The following ZBBX variants were observed in gnomAD, a reference collection of about 807,000 sequenced individuals.
ZBBX encodes the protein zinc finger B-box domain containing.
In ZBBX, 101 loss-of-function variants were observed where a neutral mutation model predicts 108.5. That is an observed-to-expected ratio of 0.93 (90% confidence interval 0.79 to 1.10). The LOEUF (loss-of-function observed/expected upper bound fraction) is 1.10. Among genes scored for constraint, ZBBX ranks in the 50% least tolerant of loss-of-function variants. The pLI is 0.00. For missense variants in ZBBX, 1,009 were observed against 941.4 expected, an observed-to-expected ratio of 1.07 and a Z score of -0.94; for synonymous variants, 356 against 323.4, an observed-to-expected ratio of 1.10 and a Z score of -1.08.
At chr3:167,353,341 A>G (rs1305058791) in intron 8 of ZBBX, among the ~76,000 whole-genome samples, 1 of 152,152 alleles carries the variant, frequency 6.6e-6, no homozygotes, top group African/African-American at 2.4e-5. Flanking sequence ...TTACAGCAAC[A>G]TGAAAGGAAC....
chr3:167,330,871 G>GGAGAAGAAGAAGAAGAAGA (rs1738393872), intron 10 of ZBBX, among the ~76,000 whole-genome samples: 3 of 43,916 alleles, frequency 6.8e-5, no homozygotes, highest in Non-Finnish European at 9.0e-5. Context: ...GGAGGAGGAG[G>GGAGAAGAAGAAGAAGAAGA]AGAAGAAGAA....
intron 9 of ZBBX, among the ~76,000 whole-genome samples, chr3:167,342,364 C>T (rs1253948564): frequency 6.6e-6 from 1 of 151,728 alleles, no homozygotes; most frequent in Non-Finnish European, 1.5e-5. Context: ...ATGGTCCCCT[C>T]CAAAATTGAG....
At chr3:167,261,432 T>A (rs1724501596) in intron 20 of ZBBX, among the ~76,000 whole-genome samples, 1 of 148,044 alleles carries the variant, frequency 6.8e-6, no homozygotes, top group African/African-American at 2.5e-5. Context: ...CTAGGGTGGG[T>A]AGGAAAGGAC....
chr3:167,393,988 GA>G (rs1429775491), intron 1 of ZBBX, among the ~76,000 whole-genome samples: 4 of 151,836 alleles, frequency 2.6e-5, no homozygotes, highest in African/African-American at 9.7e-5. Context: ...TGAAAATGTA[GA>G]AAGTATTTTA....
intron 12 of ZBBX, 88 bp downstream of exon 12, chr3:167,322,029 T>C (rs1047845051): frequency 2.6e-6 from 2 of 767,748 alleles, no homozygotes; most frequent in South Asian, 4.8e-5. Context: ...AATATACATA[T>C]AAAATTGCTA....
chr3:167,198,031 T>G, the ZBBX span, among the ~76,000 whole-genome samples: 1 of 152,214 alleles, frequency 6.6e-6, no homozygotes, highest in Non-Finnish European at 1.5e-5. Flanking sequence ...AGAAATTATT[T>G]CCAGGATTCA....
chr3:167,394,059 G>T (rs1748158375), intron 1 of ZBBX, among the ~76,000 whole-genome samples: 1 of 151,642 alleles, frequency 6.6e-6, no homozygotes, highest in South Asian at 2.1e-4. Context: ...TTTATATCTG[G>T]ATGTATTCTC....
At chr3:167,222,945 T>A in the ZBBX span, among the ~76,000 whole-genome samples, 1 of 151,984 alleles carries the variant, frequency 6.6e-6, no homozygotes, top group African/African-American at 2.4e-5. Flanking sequence ...ACTTAGAATG[T>A]TGCCAACACA....
chr3:167,333,862 G>T lies in ZBBX; in HGVS notation c.652C>A (p.Pro218Thr). The T allele has an allele frequency of 6.2e-7, 1 of 1,611,374 alleles. No homozygotes were observed. Among genetic ancestry groups the T allele is most frequent in the Non-Finnish European group, 8.5e-7 (1 of 1,178,858 alleles). ...CTCCTCTGGAGAAGTACAGATTTGGGTTTATGTTGAATTTTACTGGTTTCC... is the reference window on the plus strand; with the variant it reads ...CTCCTCTGGAGAAGTACAGATTTGGTTTTATGTTGAATTTTACTGGTTTCC... ...TKETSKIQHK[P>T]KSVLLQRSSS... is the part of the protein sequence containing the mutation. The change falls in exon 10 of 22, where the codon CCC (proline) becomes ACC (threonine). Residue 218 changes from proline (P) to threonine (T), a missense_variant. Coordinates refer to ENST00000675490, the MANE Select transcript of ZBBX (RefSeq NM_001199201.2).
At chr3:167,380,829 C>A (rs746210951), upstream of ZBBX, among the ~76,000 whole-genome samples, 2 of 150,220 alleles carry the variant, frequency 1.3e-5, no homozygotes, top group Non-Finnish European at 3.0e-5. Context: ...CCCGTGGAGT[C>A]TAATGGGTAT....
At chr3:167,258,411 T>A (rs1385792001) in intron 20 of ZBBX, among the ~76,000 whole-genome samples, 1 of 152,184 alleles carries the variant, frequency 6.6e-6, no homozygotes, top group Non-Finnish European at 1.5e-5. Context: ...CTCCAACATG[T>A]GGCTAGCCAA....
intron 10 of ZBBX, 106 bp downstream of exon 10, chr3:167,333,721 G>A: frequency 3.0e-6 from 3 of 996,686 alleles, no homozygotes; most frequent in Non-Finnish European, 4.2e-6. Context: ...AAATAAAAAT[G>A]TGATGAAATT....
intron 16 of ZBBX, among the ~76,000 whole-genome samples, chr3:167,310,005 GC>G (rs1037213990): frequency 3.9e-5 from 6 of 152,148 alleles, no homozygotes; most frequent in Admixed American, 1.3e-4. Context: ...TTTTGAAACA[GC>G]CAGGTCACAT....
At chr3:167,243,801 A>G (rs1721106330) in intron 20 of ZBBX, among the ~76,000 whole-genome samples, 1 of 122,522 alleles carries the variant, frequency 8.2e-6, no homozygotes. Context: ...GACATTTTTG[A>G]GCAAATAGAG....
chr3:167,191,934 T>TATAGAGAGAGAGAG, the ZBBX span, among the ~76,000 whole-genome samples: 25 of 130,220 alleles, frequency 1.9e-4, no homozygotes, highest in African/African-American at 7.3e-4. Context: ...TATATATATA[T>TATAGAGAGAGAGAG]AGAGCAAGTT....
chr3:167,276,068 C>T (rs922710670), intron 20 of ZBBX, among the ~76,000 whole-genome samples: 25 of 152,156 alleles, frequency 1.6e-4, no homozygotes, highest in Admixed American at 3.9e-4. Context: ...AGCTGAGGGT[C>T]CTGTCTGTTA....
At chr3:167,365,794 T>A (rs1745225005) in intron 6 of ZBBX, 92 bp downstream of exon 6, 3 of 725,696 alleles carry the variant, frequency 4.1e-6, no homozygotes, top group Non-Finnish European at 6.4e-6. Flanking sequence ...ATAAGAAGAG[T>A]ATATTCCTGA....
chr3:167,372,474 T>C (rs771157825), intron 4 of ZBBX, among the ~76,000 whole-genome samples: 3 of 152,196 alleles, frequency 2.0e-5, no homozygotes, highest in Admixed American at 6.5e-5. Context: ...GGCTAAAGTA[T>C]GTAGTGCTTT....
chr3:167,359,941 A>G lies in ZBBX; in HGVS notation c.361T>C (p.Ser121Pro). The change falls in exon 8 of 22, where the codon TCT becomes CCT. Residue 121 changes from serine (S) to proline (P), a missense_variant. Coordinates refer to ENST00000675490, the MANE Select transcript of ZBBX (RefSeq NM_001199201.2). ...ATCTTGGGTTTTTCACATTCTGAAG[A>G]ATTTGCCATTTTATAATTAACTGTT... ...KPTVNYKMAN[S>P]SECEKPKING... 1 of 1,593,198 alleles carries G rather than the reference A, an allele frequency of 6.3e-7. No homozygotes were observed. The highest frequency in any genetic ancestry group is 1.7e-5 in the Admixed American group (1 of 58,152).
Sources: gnomAD v4.1 joint callset for allele counts (sites outside exome capture counted in the v4.1 genomes callset) on GRCh38, gnomAD v4.1.1 for gene constraint, MANE v1.5 for transcripts, NCBI Gene and HGNC (gene_info 2026-07-23, HGNC 2026-07-21) for gene names.